AFF4: variants seen among roughly 807,000 people sequenced by gnomAD.
The protein encoded by AFF4 is ALF transcription elongation factor 4.
Under a neutral mutation model 124.8 loss-of-function variants are expected in AFF4, and 13 were observed. The ratio of observed to expected loss-of-function variants is 0.10; its 90% CI spans 0.07 to 0.17. The LOEUF (loss-of-function observed/expected upper bound fraction) is 0.17. Ranked by LOEUF, AFF4 falls within the 10% of genes least tolerant of loss-of-function variation. AFF4 has a pLI of 1.00. For synonymous variants in AFF4, 477 were observed against 496.1 expected (o/e 0.96, Z 0.51); for missense variants, 1,092 against 1,403.8 (o/e 0.78, Z 3.55).
intron 5 of AFF4, among the ~76,000 whole-genome samples, chr5:132,906,563 G>A (rs1760675809): frequency 6.6e-6 from 1 of 152,164 alleles, no homozygotes. Context: ...AGAACAGAGA[G>A]ATCTATAGAG....
At chr5:132,923,164 A>C (rs988477576) in intron 5 of AFF4, among the ~76,000 whole-genome samples, 1 of 152,050 alleles carries the variant, frequency 6.6e-6, no homozygotes, top group Non-Finnish European at 1.5e-5. Flanking sequence ...CAACAGAGCA[A>C]AACTTTGTCT....
intron 11 of AFF4, among the ~76,000 whole-genome samples, chr5:132,895,196 A>G (rs929247426): frequency 6.6e-6 from 1 of 151,890 alleles, no homozygotes; most frequent in Non-Finnish European, 1.5e-5. Flanking sequence ...AAACATCTCT[A>G]TACTATGATA....
chr5:132,936,129 T>C (rs1761423802), intron 2 of AFF4, among the ~76,000 whole-genome samples: 1 of 150,432 alleles, frequency 6.6e-6, no homozygotes, highest in South Asian at 2.1e-4. Context: ...TAGCCGGGCA[T>C]GGTGGCAGGC....
At position 132,887,573 on chromosome 5, in the gene AFF4, T is replaced by A; in HGVS notation, c.2953A>T (p.Asn985Tyr). 1 of 1,613,876 alleles carries A rather than the reference T, an allele frequency of 6.2e-7. No individual in the cohort carries two copies. Among genetic ancestry groups the A allele is most frequent in the Non-Finnish European group, 8.5e-7 (1 of 1,179,780 alleles). Reference sequence around the variant, plus strand: ...GCTGTAGCATCTGGTGCCAAGTAATTCTTTAGCTTCATAGTGTATCTGTTG... The same window carrying A: ...GCTGTAGCATCTGGTGCCAAGTAATACTTTAGCTTCATAGTGTATCTGTTG... ...DLIKYTMKLK[N>Y]YLAPDATAAD... is the part of the protein sequence containing the mutation. The change falls in exon 17 of 21, where the codon AAT (asparagine) becomes TAT (tyrosine). Residue 985 changes from asparagine to tyrosine, a missense_variant. Around this residue, in one of 11 missense-constraint regions of AFF4, gnomAD observed 173 missense variants for 294.9 expected, o/e 0.59. Coordinates refer to ENST00000265343, the MANE Select transcript of AFF4 (RefSeq NM_014423.4).
At chr5:132,900,908 G>A (rs918278315) in intron 7 of AFF4, 8 of 984,516 alleles carry the variant, frequency 8.1e-6, no homozygotes, top group African/African-American at 1.7e-5. Flanking sequence ...CAATCAGTGA[G>A]AAGGAAATCT....
chr5:132,949,700 ACGCGCG>A (rs34997571), intron 1 of AFF4, among the ~76,000 whole-genome samples: 28 of 146,626 alleles, frequency 1.9e-4, no homozygotes, highest in African/African-American at 6.6e-4. Context: ...ACACACACAC[ACGCGCG>A]CGCGCGCGCG....
intron 1 of AFF4, among the ~76,000 whole-genome samples, chr5:132,962,716 T>G (rs1279036579): frequency 6.6e-6 from 1 of 151,770 alleles, no homozygotes; most frequent in Non-Finnish European, 1.5e-5. Flanking sequence ...GATTCAGAAG[T>G]TGTAGGGGAG....
intron 11 of AFF4, among the ~76,000 whole-genome samples, chr5:132,894,993 A>G (rs1024274743): frequency 6.6e-5 from 10 of 152,168 alleles, no homozygotes; most frequent in African/African-American, 1.9e-4. Context: ...AAAAAAAGTA[A>G]TACTTTTTAA....
intron 5 of AFF4, among the ~76,000 whole-genome samples, chr5:132,919,384 A>C (rs773727811): frequency 1.7e-4 from 26 of 152,248 alleles, no homozygotes; most frequent in South Asian, 2.1e-4. Flanking sequence ...ACACATACAG[A>C]GTCAACTACA....
At chr5:132,932,569 A>C (rs2150097014) in intron 3 of AFF4, among the ~76,000 whole-genome samples, 1 of 152,364 alleles carries the variant, frequency 6.6e-6, no homozygotes, top group East Asian at 1.9e-4. Context: ...ATACTGAGAT[A>C]CATCATTTCA....
intron 5 of AFF4, among the ~76,000 whole-genome samples, chr5:132,914,773 G>A (rs1167981751): frequency 6.6e-6 from 1 of 151,984 alleles, no homozygotes; most frequent in African/African-American, 2.4e-5. Context: ...ACAAATTACC[G>A]GAATAGGGAA....
rs914655529 is a variant in AFF4 at position 132,963,267 on chromosome 5, C to G, written c.-13G>C. ...CTGTCGGCCCTTCTTACCTCCAGTCCCGGCTCCGCTAGGCCCGAACCATCT... is the reference window on the plus strand; with the variant it reads ...CTGTCGGCCCTTCTTACCTCCAGTCGCGGCTCCGCTAGGCCCGAACCATCT... On this transcript the variant is annotated 5_prime_UTR_variant, in exon 1 of 21. Coordinates refer to ENST00000265343, the MANE Select transcript of AFF4 (RefSeq NM_014423.4). 5 of 394,338 alleles carry G rather than the reference C, an allele frequency of 1.3e-5. No individual in the cohort carries two copies. The East Asian group carries it at 1.8e-4, about 14-fold the overall frequency. 24.4% of individuals were successfully genotyped at this position (394,338 alleles called of 1,614,324 possible). A position where few individuals can be genotyped will look rare whatever the true frequency, so the allele number is the denominator to read the frequency against.
intron 19 of AFF4, 82 bp downstream of exon 19, chr5:132,884,994 T>A (rs892704381): frequency 2.2e-6 from 2 of 901,118 alleles, no homozygotes; most frequent in South Asian, 3.4e-5. Context: ...AAAGTAGTCA[T>A]CTTTCCATTT....
chr5:132,906,610 T>C (rs1308191130), intron 5 of AFF4, among the ~76,000 whole-genome samples: 1 of 152,060 alleles, frequency 6.6e-6, no homozygotes, highest in Non-Finnish European at 1.5e-5. Flanking sequence ...GCTAGGAAGG[T>C]AGAGGGAAAG....
Position 132,897,094 on chromosome 5 carries a change from C to T in AFF4, c.1536G>A (p.Gly512=). The change falls in exon 11 of 21, where the codon GGG becomes GGA. Residue 512 remains glycine, a synonymous_variant. Transcript: ENST00000265343. ...GTCCACTTGTATCAGTGTAGCTATT[C>T]CCAGTGCCCTGCTCTCGGCCTTCCT... The part of the protein sequence containing the change: ...YKKEGREQGT[G]NSYTDTSGPK... 8 of 1,614,168 alleles carry T rather than the reference C, an allele frequency of 5.0e-6. No homozygotes were observed. Among genetic ancestry groups the T allele is most frequent in the Non-Finnish European group, 6.8e-6 (8 of 1,180,034 alleles).
chr5:132,910,022 T>C (rs1477826574), intron 5 of AFF4, among the ~76,000 whole-genome samples: 1 of 152,226 alleles, frequency 6.6e-6, no homozygotes, highest in African/African-American at 2.4e-5. Context: ...AATTAAACAC[T>C]AATAAATAAT....
rs147499616 is a variant in AFF4, at chr5:132,915,878, C to A, written c.1050+11243G>T. Among the ~76,000 whole-genome samples the A allele has an allele frequency of 6.5e-4, 99 of 151,990 alleles. 1 individual carries two copies. In the East Asian group the frequency reaches 0.019, roughly 29 times the overall value. On this transcript the variant is annotated intron_variant, in intron 5 of 20. Coordinates refer to ENST00000265343, the MANE Select transcript of AFF4 (RefSeq NM_014423.4). ...CTCACTTCTTTGTAACAGGAAGTCA[C>A]TAACACTAGATACTGACCATCAGCA...
intron 5 of AFF4, among the ~76,000 whole-genome samples, chr5:132,916,238 CAAAAAAAAAAAAAA>C (rs70974061): frequency 3.5e-3 from 178 of 50,694 alleles, no homozygotes; most frequent in African/African-American, 0.014. Context: ...GATGCTGTCT[CAAAAAAAAAAAAAA>C]AAAAAAAAAA....
chr5:132,906,467 G>C (rs551039984), intron 5 of AFF4, among the ~76,000 whole-genome samples: 6 of 152,252 alleles, frequency 3.9e-5, no homozygotes, highest in Non-Finnish European at 5.9e-5. Flanking sequence ...CTACAACTTA[G>C]ATGAATCTTA....
Sources: gnomAD v4.1 joint callset for allele counts (sites outside exome capture counted in the v4.1 genomes callset) on GRCh38, gnomAD v4.1.1 for gene constraint, gnomAD v4.1.1 regional missense constraint, MANE v1.5 for transcripts, NCBI Gene and HGNC (gene_info 2026-07-23, HGNC 2026-07-21) for gene names.